CPE: variants seen among roughly 807,000 people sequenced by gnomAD.
CPE encodes the protein carbocypeptidase E.
A neutral mutation model predicts 53.5 loss-of-function variants in CPE; 17 were observed. The observed-to-expected ratio is 0.32, with a 90% CI of 0.22 to 0.48. The LOEUF is 0.48. Ranked by LOEUF, CPE falls within the 20% of genes least tolerant of loss-of-function variation. The pLI, the probability that CPE is intolerant of heterozygous loss-of-function variation, is 0.99. For synonymous variants in CPE, 226 were observed against 228.8 expected (o/e 0.99, Z 0.11); for missense variants, 524 against 614.7 (o/e 0.85, Z 1.56).
chr4:165,465,004 A>G (rs1732073345), intron 2 of CPE, among the ~76,000 whole-genome samples: 1 of 152,196 alleles, frequency 6.6e-6, no homozygotes, highest in Non-Finnish European at 1.5e-5. Context: ...TTTAAGGAAG[A>G]AATACTTTTG....
chr4:165,482,163 C>T (rs1240616267), intron 3 of CPE, 79 bp from the exon 4 acceptor site: 10 of 857,948 alleles, frequency 1.2e-5, no homozygotes, highest in Admixed American at 2.8e-5. Context: ...TTTCCTTTAC[C>T]TTTCCTATGT....
chr4:165,494,830 A>G (rs1036965982), intron 7 of CPE, among the ~76,000 whole-genome samples: 9 of 152,214 alleles, frequency 5.9e-5, no homozygotes, highest in Non-Finnish European at 1.3e-4. Context: ...CAATGAAATA[A>G]GATGTAAAGT....
intron 1 of CPE, among the ~76,000 whole-genome samples, chr4:165,450,106 AT>A (rs11341572): frequency 0.3 from 45,529 of 151,942 alleles, 7,059 homozygotes; most frequent in African/African-American, 0.37. Context: ...TTATTTCTTC[AT>A]TTTTTTGTTT....
At chr4:165,386,563 A>T (rs1730596847) in intron 1 of CPE, among the ~76,000 whole-genome samples, 1 of 152,210 alleles carries the variant, frequency 6.6e-6, no homozygotes, top group Non-Finnish European at 1.5e-5. Context: ...GTGTGCACTG[A>T]ATCCAGTTTT....
At chr4:165,409,932 C>CA (rs1415614432) in intron 1 of CPE, among the ~76,000 whole-genome samples, 5 of 151,414 alleles carry the variant, frequency 3.3e-5, no homozygotes, top group South Asian at 2.1e-4. Context: ...TTCAAAAACA[C>CA]AAAAAACACA....
intron 1 of CPE, among the ~76,000 whole-genome samples, chr4:165,448,113 A>T (rs1731747694): frequency 6.6e-6 from 1 of 152,156 alleles, no homozygotes; most frequent in Admixed American, 6.6e-5. Context: ...ATTATTGTGT[A>T]TTTATAAAAG....
chr4:165,404,925 G>C, intron 1 of CPE: 1 of 760,454 alleles, frequency 1.3e-6, no homozygotes, highest in Non-Finnish European at 2.5e-6. Flanking sequence ...ACTGGGAGAG[G>C]AGATGTGTTA....
intron 1 of CPE, among the ~76,000 whole-genome samples, chr4:165,460,466 A>G (rs1032814572): frequency 1.1e-4 from 17 of 152,162 alleles, no homozygotes; most frequent in African/African-American, 4.1e-4. Flanking sequence ...TGCTGCCTTC[A>G]TTCCCAAAGA....
rs563402314 is a variant in CPE at position 165,450,796 on chromosome 4, G to A, written c.308-13594G>A. Among the ~76,000 whole-genome samples the A allele has an allele frequency of 2.6e-5, 4 of 152,312 alleles. No individual in the cohort carries two copies. The South Asian group carries it at 8.3e-4, about 32-fold the overall frequency. ...AGCATTTATAATGAATCTTGGAGCT[G>A]AAGCCATATAGCAGCCTTGAAAATT... is the stretch of plus-strand genomic sequence containing the variant. On this transcript the variant is annotated intron_variant, in intron 1 of 8. Coordinates refer to ENST00000402744, the MANE Select transcript of CPE (RefSeq NM_001873.4).
chr4:165,410,834 GTGTGTGTGTT>G (rs1731029739), intron 1 of CPE, among the ~76,000 whole-genome samples: 1 of 152,148 alleles, frequency 6.6e-6, no homozygotes, highest in African/African-American at 2.4e-5. Flanking sequence ...GTGTGTGTGT[GTGTGTGTGTT>G]TGTGTGTGTG....
At chr4:165,414,078 T>A (rs929244124) in intron 1 of CPE, among the ~76,000 whole-genome samples, 4 of 152,216 alleles carry the variant, frequency 2.6e-5, no homozygotes, top group Non-Finnish European at 4.4e-5. Context: ...AAGATTTGTA[T>A]GTATTTTCCT....
intron 1 of CPE, among the ~76,000 whole-genome samples, chr4:165,428,622 T>C (rs66799250): frequency 0.3 from 44,887 of 151,946 alleles, 6,724 homozygotes; most frequent in Middle Eastern, 0.39. Context: ...TTGAAATTAG[T>C]ATCACTGGAC....
chr4:165,497,274 A>G (rs1441211926), intron 8 of CPE, among the ~76,000 whole-genome samples: 3 of 152,156 alleles, frequency 2.0e-5, no homozygotes, highest in Non-Finnish European at 4.4e-5. Flanking sequence ...GTTGAATTAT[A>G]TCTGTCTTCA....
At chr4:165,385,417 G>GTTT (rs376325931) in intron 1 of CPE, among the ~76,000 whole-genome samples, 2 of 126,868 alleles carry the variant, frequency 1.6e-5, no homozygotes, top group African/African-American at 5.6e-5. Context: ...TCTTCTTACT[G>GTTT]TTTTATTTTT....
Position 165,467,718 on chromosome 4 carries a change from C to G in CPE, c.535C>G (p.Arg179Gly). 6.2e-7 allele frequency: 1 copy of G among 1,606,618 alleles called. No homozygotes were observed. The highest frequency in any genetic ancestry group is 8.5e-7 in the Non-Finnish European group (1 of 1,176,678). ...TGAACTCAAGGACTGGTTTGTGGGT[C>G]GAAGCAATGCCCAGGGAATAGATCT... ...PGELKDWFVG[R>G]SNAQGIDLNR... Residue 179 changes from arginine to glycine, a missense_variant, in exon 3 of 9, where the codon CGA becomes GGA. By Grantham distance (125) the Arg-to-Gly change is moderately radical (BLOSUM62 -2). Coordinates refer to ENST00000402744, the MANE Select transcript of CPE (RefSeq NM_001873.4).
At chr4:165,449,848 T>C (rs999341073) in intron 1 of CPE, among the ~76,000 whole-genome samples, 1 of 152,140 alleles carries the variant, frequency 6.6e-6, no homozygotes, top group African/African-American at 2.4e-5. Context: ...ACTTGATGAT[T>C]TTTATCAGTA....
chr4:165,459,914 C>CAA (rs10718543), intron 1 of CPE, among the ~76,000 whole-genome samples: 11 of 78,708 alleles, frequency 1.4e-4, no homozygotes, highest in African/African-American at 2.0e-4. Flanking sequence ...GACTCTGTCT[C>CAA]AAAAAAAAAA....
chr4:165,397,792 G>A (rs892198856), intron 1 of CPE, among the ~76,000 whole-genome samples: 11 of 151,912 alleles, frequency 7.2e-5, no homozygotes, highest in Admixed American at 3.3e-4. Flanking sequence ...TGAAATTTCA[G>A]CACTTTGGGA....
intron 1 of CPE, among the ~76,000 whole-genome samples, chr4:165,408,652 G>A (rs956366180): frequency 3.3e-5 from 5 of 152,220 alleles, no homozygotes; most frequent in East Asian, 1.9e-4. Context: ...TTAAAACACT[G>A]GTTGCTGGGG....
Sources: gnomAD v4.1 joint callset for allele counts (sites outside exome capture counted in the v4.1 genomes callset) on GRCh38, gnomAD v4.1.1 for gene constraint, MANE v1.5 for transcripts, NCBI Gene and HGNC (gene_info 2026-07-23, HGNC 2026-07-21) for gene names.